Variants in PRKDC observed in about 807,000 individuals in gnomAD.
The protein encoded by PRKDC is DNA-dependent protein kinase catalytic subunit.
A neutral mutation model predicts 486.9 loss-of-function variants in PRKDC; 82 were observed. The ratio of observed to expected loss-of-function variants is 0.17; its 90% CI spans 0.14 to 0.20. The LOEUF is 0.20. PRKDC is among the 10% of genes least tolerant of loss of function. The probability of loss-of-function intolerance (pLI) is 1.00; values close to 1 mark genes in which losing one functional copy is unlikely to be tolerated. For synonymous variants in PRKDC, 1,895 were observed against 1,837.0 expected (o/e 1.03, Z -0.81); for missense variants, 4,504 against 5,038.2 (o/e 0.89, Z 3.21).
In PRKDC at chr8:47,919,042, C is replaced by T. The variant is rs993596033; in HGVS notation, c.2420-659G>A. ...TCCTGAAGCACTGAGGGTAAGTGAC[C>T]GACTCAACACCCCACTGCCCCGAAT... On this transcript the variant is annotated intron_variant, in intron 21 of 85. Transcript: ENST00000314191. Among the ~76,000 whole-genome samples the T allele has an allele frequency of 7.9e-5, 12 of 151,920 alleles. No homozygotes were observed. In the East Asian group the frequency reaches 1.9e-3, roughly 25 times the overall value.
Position 47,834,180 on chromosome 8 carries a change from C to T in PRKDC, c.8152+16G>A, listed in dbSNP as rs756106247. On this transcript the variant is annotated intron_variant, in intron 59 of 85. Coordinates refer to ENST00000314191, the MANE Select transcript of PRKDC (RefSeq NM_006904.7). ...GTGGGGAAGCTATTTTAAGCACACT[C>T]AGCAACCCAGCTTACCTTTCACTTT... is the stretch of plus-strand genomic sequence containing the variant. 1 of 1,614,030 alleles carries T rather than the reference C, an allele frequency of 6.2e-7. No individual in the cohort carries two copies. The highest frequency in any genetic ancestry group is 8.5e-7 in the Non-Finnish European group (1 of 1,179,878).
intron 48 of PRKDC, among the ~76,000 whole-genome samples, chr8:47,858,008 C>T (rs2088583879): frequency 6.6e-6 from 1 of 152,182 alleles, no homozygotes; most frequent in Non-Finnish European, 1.5e-5. Context: ...ACCCAGGGAC[C>T]ACCCGTGCTA....
intron 21 of PRKDC, among the ~76,000 whole-genome samples, chr8:47,926,362 T>C (rs2090156927): frequency 6.6e-6 from 1 of 152,218 alleles, no homozygotes; most frequent in Non-Finnish European, 1.5e-5. Flanking sequence ...GCATGAAATC[T>C]GTCACACAAC....
intron 70 of PRKDC, among the ~76,000 whole-genome samples, chr8:47,802,073 C>G (rs1275001785): frequency 6.6e-6 from 1 of 151,490 alleles, no homozygotes; most frequent in Non-Finnish European, 1.5e-5. Flanking sequence ...TCTTCTTCTT[C>G]TTTTTTTAGA....
At chr8:47,837,135 A>G (rs776825930) in intron 57 of PRKDC, 77 bp downstream of exon 57, 9 of 1,382,392 alleles carry the variant, frequency 6.5e-6, no homozygotes, top group Non-Finnish European at 4.0e-6. Context: ...GCAAAGAGCC[A>G]GTCAAAGCTA....
chr8:47,799,314 G>A lies in PRKDC; in HGVS notation c.10193C>T (p.Pro3398Leu), dbSNP rs1392734550. ...TGCAGGCCCACAGCTCCAGGAGGGAGGCTGGGCCTCCTCCTCAGCCGCCTG... is the reference window on the plus strand; with the variant it reads ...TGCAGGCCCACAGCTCCAGGAGGGAAGCTGGGCCTCCTCCTCAGCCGCCTG... ...AVQAAEEEAQ[P>L]PSWSCGPAAG... Residue 3398 changes from proline (P) to leucine (L), a missense_variant, in exon 72 of 86, where the codon CCT becomes CTT. Physicochemically the swap from Pro to Leu is moderately conservative, Grantham distance 98. Coordinates refer to ENST00000314191, the MANE Select transcript of PRKDC (RefSeq NM_006904.7). The A allele has an allele frequency of 6.2e-7, 1 of 1,613,136 alleles. No homozygotes were observed. Among genetic ancestry groups the A allele is most frequent in the Non-Finnish European group, 8.5e-7 (1 of 1,179,858 alleles).
chr8:47,849,336 C>G, intron 53 of PRKDC, 33 bp from the exon 54 acceptor site: 7 of 1,613,776 alleles, frequency 4.3e-6, no homozygotes, highest in Non-Finnish European at 5.9e-6. Context: ...AGAGGAGGGC[C>G]GAGGACCCTC....
intron 49 of PRKDC, 23 bp from the exon 50 acceptor site, chr8:47,855,396 T>C: frequency 6.4e-7 from 1 of 1,561,408 alleles, no homozygotes; most frequent in South Asian, 1.2e-5. Context: ...AGAAATTCTG[T>C]ATTAATATGC....
intron 67 of PRKDC, among the ~76,000 whole-genome samples, 182 bp downstream of exon 67, chr8:47,819,220 C>A (rs1319797241): frequency 6.6e-6 from 1 of 152,202 alleles, no homozygotes; most frequent in Non-Finnish European, 1.5e-5. Context: ...GCCTAGAACT[C>A]TGCCTGACCA....
intron 22 of PRKDC, 141 bp from the exon 23 acceptor site, chr8:47,915,559 C>A (rs1449133131): frequency 3.6e-6 from 2 of 556,070 alleles, no homozygotes; most frequent in East Asian, 6.2e-5. Flanking sequence ...AGGATCCTTT[C>A]CACTCTTAAG....
chr8:47,831,979 T>C (rs1317513179), intron 59 of PRKDC, 53 bp from the exon 60 acceptor site: 11 of 1,503,186 alleles, frequency 7.3e-6, no homozygotes, highest in Non-Finnish European at 1.0e-5. Context: ...CACTTGGCTC[T>C]GCTGGTTCAT....
chr8:47,956,429 G>A (rs1019446992), intron 3 of PRKDC, among the ~76,000 whole-genome samples: 2 of 151,226 alleles, frequency 1.3e-5, no homozygotes, highest in Admixed American at 6.6e-5. Context: ...GGATTACAGT[G>A]TGGTTCGTGC....
At chr8:47,851,808 A>G (rs1262661793) in intron 52 of PRKDC, among the ~76,000 whole-genome samples, 2 of 152,180 alleles carry the variant, frequency 1.3e-5, no homozygotes, top group Admixed American at 6.5e-5. Flanking sequence ...GGGAGCCAAG[A>G]GTGTCCTCAG....
In PRKDC at chr8:47,807,226, C is replaced by T; in HGVS notation, c.9658G>A (p.Val3220Met). The T allele has an allele frequency of 6.2e-7, 1 of 1,613,918 alleles. No homozygotes were observed. The highest frequency in any genetic ancestry group is 8.5e-7 in the Non-Finnish European group (1 of 1,179,852). Residue 3220 changes from valine to methionine, a missense_variant, in exon 69 of 86, where the codon GTG (valine) becomes ATG (methionine). This residue lies in a region of PRKDC where 1,592 missense variants were observed against 1,724.6 expected (regional missense o/e 0.92). Transcript: ENST00000314191. The part of the protein sequence containing the change: ...QDGDPSDRME[V>M]QEQEEDISSL... ...CTGATATCTTCTTCCTGCTCTTGCA[C>T]TTCCATCCTGTCACTGGGGTCTCCA...
At chr8:47,789,595 G>T (rs1472004718) in intron 74 of PRKDC, among the ~76,000 whole-genome samples, 1 of 151,930 alleles carries the variant, frequency 6.6e-6, no homozygotes, top group Non-Finnish European at 1.5e-5. Context: ...AGGTAAAGAC[G>T]TATCAAATAA....
chr8:47,957,397 G>A lies in PRKDC; in HGVS notation c.189C>T (p.Phe63=), dbSNP rs372416216. The stretch of plus-strand genomic sequence containing the variant: ...ACTTCCGGACAAATACAAGCAAACC[G>A]AAATCTCTGGAAAAAACTAAAGATG... ...LQTSLVFSRD[F]GLLVFVRKSL... is the part of the protein sequence containing the mutation. Residue 63 remains phenylalanine, a synonymous_variant, in exon 2 of 86, where the codon TTC becomes TTT. Transcript: ENST00000314191. 7.5e-6 allele frequency: 12 copies of A among 1,591,970 alleles called. No homozygotes were observed. The highest frequency in any genetic ancestry group is 6.8e-5 in the East Asian group (3 of 44,330).
Position 47,774,051 on chromosome 8 carries a change from G to T in PRKDC, c.*122C>A. 3.0e-6 allele frequency: 3 copies of T among 1,006,410 alleles called. No homozygotes were observed. Among genetic ancestry groups the T allele is most frequent in the Non-Finnish European group, 4.2e-6 (3 of 706,348 alleles). The allele number at this position is 1,006,410 out of a possible 1,614,324, so 62.3% of individuals were successfully genotyped here. A position where few individuals can be genotyped will look rare whatever the true frequency, so the allele number is the denominator to read the frequency against. On this transcript the variant is annotated 3_prime_UTR_variant, in exon 86 of 86. Coordinates refer to ENST00000314191, the MANE Select transcript of PRKDC (RefSeq NM_006904.7). ...TGATTTAAACTCATGCTACGAAACTGTAGCACAAAAGACATTTCTCTTTAG... is the reference window on the plus strand; with the variant it reads ...TGATTTAAACTCATGCTACGAAACTTTAGCACAAAAGACATTTCTCTTTAG...
chr8:47,778,263 T>C (rs2086640080), intron 83 of PRKDC, among the ~76,000 whole-genome samples, 196 bp downstream of exon 83: 1 of 152,216 alleles, frequency 6.6e-6, no homozygotes, highest in African/African-American at 2.4e-5. Context: ...ATGATATCAC[T>C]GATCACCATG....
chr8:47,930,611 T>C (rs1387795629), intron 17 of PRKDC, 61 bp downstream of exon 17: 7 of 1,460,532 alleles, frequency 4.8e-6, no homozygotes, highest in African/African-American at 4.3e-5. Flanking sequence ...GAATTTCCTA[T>C]ATTACAGCCA....
Sources: allele counts gnomAD v4.1 joint callset (sites outside exome capture counted in the v4.1 genomes callset), GRCh38; gene constraint gnomAD v4.1.1; regional missense constraint gnomAD v4.1.1; transcripts MANE v1.5; gene names NCBI Gene and HGNC (gene_info 2026-07-23, HGNC 2026-07-21).